CYP7B1: variants seen among roughly 807,000 people sequenced by gnomAD.
CYP7B1 encodes the protein cytochrome P450 family 7 subfamily B member 1.
Under a neutral mutation model 42.7 loss-of-function variants are expected in CYP7B1, and 29 were observed. That is an observed-to-expected ratio of 0.68 (90% CI 0.51 to 0.93). CYP7B1 has a LOEUF of 0.93. Ranked by LOEUF, CYP7B1 falls within the 40% of genes least tolerant of loss-of-function variation. The probability of loss-of-function intolerance (pLI) is 0.00; values close to 1 mark genes in which losing one functional copy is unlikely to be tolerated. For missense variants in CYP7B1, 655 were observed against 600.5 expected (o/e 1.09, Z -0.95); for synonymous variants, 235 against 218.2 (o/e 1.08, Z -0.68).
chr8:64,661,295 T>C (rs1585839070), intron 1 of CYP7B1, among the ~76,000 whole-genome samples: 1 of 152,324 alleles, frequency 6.6e-6, no homozygotes, highest in Admixed American at 6.5e-5. Context: ...TTGAAAGTTC[T>C]AATAAAAATT....
intron 1 of CYP7B1, among the ~76,000 whole-genome samples, chr8:64,727,514 C>T (rs1327195171): frequency 6.6e-6 from 1 of 151,970 alleles, no homozygotes; most frequent in South Asian, 2.1e-4. Flanking sequence ...CACAAAGGAC[C>T]TAAGTTTTTG....
intron 1 of CYP7B1, among the ~76,000 whole-genome samples, chr8:64,783,110 G>A (rs945857486): frequency 2.6e-5 from 4 of 152,098 alleles, no homozygotes; most frequent in African/African-American, 9.7e-5. Flanking sequence ...GCATACTCTT[G>A]AATAGAAAAT....
rs1434369510 is a variant in CYP7B1, at chr8:64,596,580, T to C, written c.*62A>G. The C allele has an allele frequency of 1.4e-6, 2 of 1,451,364 alleles. No individual in the cohort carries two copies. Among genetic ancestry groups the C allele is most frequent in the Non-Finnish European group, 1.9e-6 (2 of 1,062,678 alleles). The allele number at this position is 1,451,364 out of a possible 1,614,324, so 89.9% of individuals were successfully genotyped here. A position where few individuals can be genotyped will look rare whatever the true frequency, so the allele number is the denominator to read the frequency against. On this transcript the variant is annotated 3_prime_UTR_variant, in exon 6 of 6. Coordinates refer to ENST00000310193, the MANE Select transcript of CYP7B1 (RefSeq NM_004820.5). Reference sequence around the variant, plus strand: ...TACATTTGCAGAAATTAAAAAGAAATAGATGAGCTTAGGATGTTTAGGGTA... The same window carrying C: ...TACATTTGCAGAAATTAAAAAGAAACAGATGAGCTTAGGATGTTTAGGGTA...
chr8:64,781,218 A>G (rs1290202358), intron 1 of CYP7B1, among the ~76,000 whole-genome samples: 4 of 152,118 alleles, frequency 2.6e-5, no homozygotes, highest in Non-Finnish European at 4.4e-5. Flanking sequence ...AAGTCCACCA[A>G]GGTCCAATCT....
At chr8:64,740,983 T>C (rs764956298) in intron 1 of CYP7B1, among the ~76,000 whole-genome samples, 1 of 152,130 alleles carries the variant, frequency 6.6e-6, no homozygotes, top group Non-Finnish European at 1.5e-5. Flanking sequence ...TAACTCATCG[T>C]ATGAGGCCAG....
chr8:64,601,008 C>G (rs1015020170), intron 5 of CYP7B1, among the ~76,000 whole-genome samples: 2 of 152,074 alleles, frequency 1.3e-5, no homozygotes, highest in African/African-American at 4.8e-5. Context: ...TGTTTGTTTC[C>G]TTTAAGTCTA....
At chr8:64,606,789 T>C (rs938610392) in intron 4 of CYP7B1, among the ~76,000 whole-genome samples, 3 of 152,202 alleles carry the variant, frequency 2.0e-5, no homozygotes, top group Non-Finnish European at 2.9e-5. Flanking sequence ...CGATAATCAA[T>C]AGACGACAAA....
chr8:64,780,331 C>T (rs1804400130), intron 1 of CYP7B1, among the ~76,000 whole-genome samples: 1 of 152,078 alleles, frequency 6.6e-6, no homozygotes, highest in African/African-American at 2.4e-5. Context: ...GTGCCAGATA[C>T]TATGCTAGGT....
chr8:64,627,689 C>T (rs1304436096), intron 1 of CYP7B1, among the ~76,000 whole-genome samples: 1 of 152,132 alleles, frequency 6.6e-6, no homozygotes, highest in East Asian at 1.9e-4. Context: ...CATTAGGAAG[C>T]TATTTTATTG....
chr8:64,775,492 T>C (rs1256158482), intron 1 of CYP7B1, among the ~76,000 whole-genome samples: 1 of 152,188 alleles, frequency 6.6e-6, no homozygotes, highest in African/African-American at 2.4e-5. Context: ...AGGATAGTTC[T>C]TTCCTTAGTT....
intron 1 of CYP7B1, among the ~76,000 whole-genome samples, chr8:64,641,979 G>A (rs1457616877): frequency 1.3e-5 from 2 of 152,150 alleles, no homozygotes; most frequent in Admixed American, 1.3e-4. Context: ...TTACTGCAGT[G>A]TAACCTAGCC....
At chr8:64,757,647 G>C (rs1400087812) in intron 1 of CYP7B1, among the ~76,000 whole-genome samples, 1 of 152,228 alleles carries the variant, frequency 6.6e-6, no homozygotes, top group African/African-American at 2.4e-5. Context: ...ACCAAGTTCA[G>C]CACAGGCTTT....
rs755729966 is a variant in CYP7B1, at chr8:64,596,706, C to T, written c.1457G>A (p.Arg486His). 5.2e-5 allele frequency: 84 copies of T among 1,613,238 alleles called. No individual in the cohort carries two copies. Among genetic ancestry groups the T allele is most frequent in the African/African-American group, 3.1e-4 (23 of 74,838 alleles). ...TGGATACTGAATACCAAACAACAAG[C>T]GGCTGTAGTTTAGTCCTATGGGCTT... ...DDKPIGLNYS[R>H]LLFGIQYPDS... The change falls in exon 6 of 6, where the codon CGC becomes CAC. Residue 486 changes from arginine to histidine, a missense_variant. Arg to His is a conservative substitution (Grantham distance 29). Coordinates refer to ENST00000310193, the MANE Select transcript of CYP7B1 (RefSeq NM_004820.5).
At chr8:64,760,665 T>C (rs1807875718) in intron 1 of CYP7B1, among the ~76,000 whole-genome samples, 1 of 152,002 alleles carries the variant, frequency 6.6e-6, no homozygotes, top group South Asian at 2.1e-4. Context: ...ACCTCACACT[T>C]GATAGGATGA....
chr8:64,654,690 C>G (rs1389040152), intron 1 of CYP7B1, among the ~76,000 whole-genome samples: 1 of 152,064 alleles, frequency 6.6e-6, no homozygotes, highest in Non-Finnish European at 1.5e-5. Flanking sequence ...TCATATGGAA[C>G]CAAAAAAGAG....
chr8:64,649,065 G>A (rs556600218), intron 1 of CYP7B1, among the ~76,000 whole-genome samples: 1 of 152,160 alleles, frequency 6.6e-6, no homozygotes, highest in African/African-American at 2.4e-5. Flanking sequence ...TCCCACTATT[G>A]TAAAACAGAT....
At chr8:64,792,315 T>C (rs1338544929) in intron 1 of CYP7B1, among the ~76,000 whole-genome samples, 3 of 152,158 alleles carry the variant, frequency 2.0e-5, no homozygotes, top group Non-Finnish European at 4.4e-5. Context: ...GAACCAGGAA[T>C]TGATGATTTG....
intron 2 of CYP7B1, 80 bp downstream of exon 2, chr8:64,624,323 C>T (rs1805574391): frequency 4.4e-5 from 58 of 1,320,696 alleles, no homozygotes; most frequent in Non-Finnish European, 6.1e-5. Context: ...CTACATTTTG[C>T]CTAGAGAAAA....
intron 5 of CYP7B1, 23 bp downstream of exon 5, chr8:64,604,659 T>A (rs745896920): frequency 1.2e-6 from 2 of 1,613,480 alleles, no homozygotes; most frequent in African/African-American, 2.7e-5. Flanking sequence ...GAAGTAGCAA[T>A]CATAGGCTTG....
Sources: gnomAD v4.1 joint callset for allele counts (sites outside exome capture counted in the v4.1 genomes callset) on GRCh38, gnomAD v4.1.1 for gene constraint, MANE v1.5 for transcripts, NCBI Gene and HGNC (gene_info 2026-07-23, HGNC 2026-07-21) for gene names.